The following EYA1 variants were observed in gnomAD, a reference collection of about 807,000 sequenced individuals.
EYA1 encodes the protein protein phosphatase EYA1.
A neutral mutation model predicts 82.0 loss-of-function variants in EYA1; 16 were observed. The ratio of observed to expected loss-of-function variants is 0.20; its 90% CI spans 0.13 to 0.30. EYA1 has a LOEUF of 0.30. EYA1 is among the 10% of genes least tolerant of loss of function. EYA1 has a pLI of 1.00. For synonymous variants in EYA1, 261 were observed against 264.4 expected (o/e 0.99, Z 0.12); for missense variants, 633 against 730.7 (o/e 0.87, Z 1.54).
chr8:71,438,858 C>T (rs746197467), intron 2 of EYA1, among the ~76,000 whole-genome samples: 33 of 152,212 alleles, frequency 2.2e-4, no homozygotes, highest in Admixed American at 4.6e-4. Context: ...GATCTGTGTA[C>T]GGAGGTTTGG....
intron 3 of EYA1, among the ~76,000 whole-genome samples, chr8:71,346,372 C>T (rs977998774): frequency 1.4e-5 from 2 of 146,254 alleles, no homozygotes; most frequent in Non-Finnish European, 3.0e-5. Context: ...TATAGATATA[C>T]TACATGTATA....
intron 2 of EYA1, among the ~76,000 whole-genome samples, chr8:71,438,532 A>G (rs1423125608): frequency 1.3e-5 from 2 of 152,168 alleles, no homozygotes; most frequent in African/African-American, 4.8e-5. Context: ...TAAATATTTA[A>G]TAAGATTACA....
chr8:71,485,834 C>A (rs1419963389), intron 2 of EYA1, among the ~76,000 whole-genome samples: 3 of 152,060 alleles, frequency 2.0e-5, no homozygotes, highest in Non-Finnish European at 4.4e-5. Flanking sequence ...CCAAGTCATT[C>A]TAAAGGCTCC....
At chr8:71,278,802 A>G (rs562634482) in intron 9 of EYA1, among the ~76,000 whole-genome samples, 1 of 152,226 alleles carries the variant, frequency 6.6e-6, no homozygotes, top group East Asian at 1.9e-4. Context: ...GTAGTAGGGG[A>G]TTTCTGATCT....
At chr8:71,502,054 T>C (rs7014001) in intron 2 of EYA1, among the ~76,000 whole-genome samples, 6,484 of 152,296 alleles carry the variant, frequency 0.043, 191 homozygotes, top group Non-Finnish European at 0.066. Context: ...TATATGTATA[T>C]TAGGTGCTTG....
intron 3 of EYA1, among the ~76,000 whole-genome samples, chr8:71,336,967 T>C (rs540076463): frequency 1.3e-5 from 2 of 152,354 alleles, no homozygotes; most frequent in African/African-American, 2.4e-5. Flanking sequence ...TCTGGCTTTA[T>C]TGTAGCCAAA....
At chr8:71,254,330 A>T (rs536802050) in intron 11 of EYA1, among the ~76,000 whole-genome samples, 2 of 151,954 alleles carry the variant, frequency 1.3e-5, no homozygotes, top group East Asian at 3.9e-4. Flanking sequence ...TGTAGGAAAT[A>T]CAGAGGACAA....
At chr8:71,397,602 T>C (rs913419265) in intron 2 of EYA1, among the ~76,000 whole-genome samples, 33 of 152,364 alleles carry the variant, frequency 2.2e-4, no homozygotes, top group African/African-American at 6.5e-4. Flanking sequence ...TCTTTAAGAA[T>C]GTTGAATATT....
At chr8:71,267,637 C>A (rs1816008267) in intron 11 of EYA1, among the ~76,000 whole-genome samples, 1 of 152,198 alleles carries the variant, frequency 6.6e-6, no homozygotes, top group Non-Finnish European at 1.5e-5. Context: ...CAAGCTCCGC[C>A]TCCCAGGTTC....
intron 3 of EYA1, among the ~76,000 whole-genome samples, chr8:71,341,984 C>A (rs575074334): frequency 1.3e-3 from 193 of 152,256 alleles, no homozygotes; most frequent in African/African-American, 4.3e-3. Context: ...TATGGTAAAT[C>A]ACGACTGCTC....
intron 11 of EYA1, among the ~76,000 whole-genome samples, chr8:71,264,895 C>T (rs529043177): frequency 1.2e-4 from 19 of 152,196 alleles, no homozygotes; most frequent in African/African-American, 4.6e-4. Context: ...ATTCATGATA[C>T]AATTTAATTT....
At chr8:71,511,570 C>G (rs918268904) in intron 2 of EYA1, among the ~76,000 whole-genome samples, 2 of 152,118 alleles carry the variant, frequency 1.3e-5, no homozygotes, top group African/African-American at 4.8e-5. Flanking sequence ...GCATTCCAGG[C>G]AGGTAAACAG....
rs999197071 is a variant in EYA1 at position 71,198,598 on chromosome 8, C to T, written c.*742G>A. 2.0e-5 allele frequency: 3 copies of T among 152,614 alleles called. No homozygotes were observed. Among genetic ancestry groups the T allele is most frequent in the African/African-American group, 7.2e-5 (3 of 41,426 alleles). The allele number at this position is 152,614 out of a possible 1,614,324, so 9.5% of individuals were successfully genotyped here. ...TATGTAAAAGAATTATCCATTATTA[C>T]AAATTTACACCAAAAATTCTTTCTG... On this transcript the variant is annotated 3_prime_UTR_variant, in exon 18 of 18. Transcript: ENST00000340726.
At chr8:71,476,560 C>T (rs1809679817) in intron 2 of EYA1, among the ~76,000 whole-genome samples, 1 of 151,818 alleles carries the variant, frequency 6.6e-6, no homozygotes, top group Non-Finnish European at 1.5e-5. Context: ...AACACTGTTG[C>T]AAAAAATTAA....
At chr8:71,393,274 T>C (rs1450432669) in intron 2 of EYA1, among the ~76,000 whole-genome samples, 1 of 152,054 alleles carries the variant, frequency 6.6e-6, no homozygotes, top group Non-Finnish European at 1.5e-5. Flanking sequence ...TTCTTATAAT[T>C]GCTTAAGTAA....
At chr8:71,407,253 A>G (rs1830304595) in intron 2 of EYA1, among the ~76,000 whole-genome samples, 1 of 143,316 alleles carries the variant, frequency 7.0e-6, no homozygotes, top group South Asian at 2.4e-4. Flanking sequence ...CCAAAAGTAG[A>G]TAAAACCACA....
chr8:71,264,449 T>C (rs1237619889), intron 11 of EYA1, among the ~76,000 whole-genome samples: 1 of 152,224 alleles, frequency 6.6e-6, no homozygotes, highest in Non-Finnish European at 1.5e-5. Context: ...AGAAGCCTAG[T>C]GAGTTATAAA....
At chr8:71,434,426 G>A (rs1007369539) in intron 2 of EYA1, among the ~76,000 whole-genome samples, 2 of 152,138 alleles carry the variant, frequency 1.3e-5, no homozygotes, top group Non-Finnish European at 2.9e-5. Flanking sequence ...GATTGTTGAA[G>A]AAGGAAAGCT....
chr8:71,318,207 C>G (rs1822141398), intron 6 of EYA1, among the ~76,000 whole-genome samples: 1 of 152,092 alleles, frequency 6.6e-6, no homozygotes, highest in South Asian at 2.1e-4. Context: ...ATTTTGAAGT[C>G]CAAAGAAGCA....
Sources: allele counts gnomAD v4.1 joint callset (sites outside exome capture counted in the v4.1 genomes callset), GRCh38; gene constraint gnomAD v4.1.1; transcripts MANE v1.5; gene names NCBI Gene and HGNC (gene_info 2026-07-23, HGNC 2026-07-21).